KIF13A: variants seen among roughly 807,000 people sequenced by gnomAD.
KIF13A encodes kinesin-like protein KIF13A.
KIF13A carries 79 observed loss-of-function variants against 212.2 expected under a neutral mutation model. The ratio of observed to expected loss-of-function variants is 0.37; its 90% confidence interval spans 0.31 to 0.45. The LOEUF (loss-of-function observed/expected upper bound fraction) is 0.45. Ranked by LOEUF, KIF13A falls within the 20% of genes least tolerant of loss-of-function variation. The pLI is 1.00. For synonymous variants in KIF13A, 789 were observed against 808.6 expected, an observed-to-expected ratio of 0.98 and a Z score of 0.41; for missense variants, 1,901 against 2,209.0, an observed-to-expected ratio of 0.86 and a Z score of 2.79.
At chr6:17,840,666 G>A (rs531285893) in intron 9 of KIF13A, among the ~76,000 whole-genome samples, 1 of 151,864 alleles carries the variant, frequency 6.6e-6, no homozygotes, top group South Asian at 2.1e-4. Context: ...ACAGTGTAAG[G>A]GGGAAACACA....
intron 2 of KIF13A, chr6:17,936,377 CT>C: frequency 1.0e-5 from 2 of 193,532 alleles, no homozygotes; most frequent in Middle Eastern, 4.7e-4. Context: ...ATCTGCCCAC[CT>C]TGGCCTCCCA....
chr6:17,885,004 A>G (rs1268328286), intron 3 of KIF13A, among the ~76,000 whole-genome samples: 1 of 152,236 alleles, frequency 6.6e-6, no homozygotes, highest in African/African-American at 2.4e-5. Context: ...ACTGAGTCAT[A>G]CCAAGTAAAG....
chr6:17,855,879 T>A lies in KIF13A; in HGVS notation c.313+151A>T, dbSNP rs1036386924. 1.5e-6 allele frequency: 1 copy of A among 648,234 alleles called. No individual in the cohort carries two copies. The highest frequency in any genetic ancestry group is 1.8e-5 in the African/African-American group (1 of 54,316). 40.2% of individuals were successfully genotyped at this position (648,234 alleles called of 1,614,324 possible). The stretch of plus-strand genomic sequence containing the variant: ...CAGGTGTGCCACCACGCTGGGCTAA[T>A]GTTTTTAGTTTTTATAAAGACGGGT... On this transcript the variant is annotated intron_variant, in intron 5 of 38. Coordinates refer to ENST00000259711, the MANE Select transcript of KIF13A (RefSeq NM_022113.6). The surrounding 1 kb of genome is among the most constrained non-coding windows in gnomAD (Gnocchi z 4.1).
intron 16 of KIF13A, among the ~76,000 whole-genome samples, chr6:17,822,080 C>G (rs2150360803): frequency 6.9e-6 from 1 of 145,676 alleles, no homozygotes. Context: ...TGCTCTGTCA[C>G]CCAGGTTGAA....
intron 2 of KIF13A, among the ~76,000 whole-genome samples, chr6:17,929,297 T>C (rs893726768): frequency 2.0e-5 from 3 of 152,032 alleles, no homozygotes; most frequent in South Asian, 4.1e-4. Flanking sequence ...TAGAATGCAG[T>C]GGCGCCATCA....
chr6:17,915,164 G>A lies in KIF13A; in HGVS notation c.147-16984C>T, dbSNP rs551202290. Among the ~76,000 whole-genome samples the A allele has an allele frequency of 6.6e-6, 1 of 152,286 alleles. No homozygotes were observed. The highest frequency in any genetic ancestry group is 2.1e-4 in the South Asian group (1 of 4,826). On this transcript the variant is annotated intron_variant, in intron 2 of 38. Coordinates refer to ENST00000259711, the MANE Select transcript of KIF13A (RefSeq NM_022113.6). This position sits in a 1 kb window ranked among gnomAD's most constrained non-coding sequence, Gnocchi z 4.4. ...ACCAAACTTCATGCTCCATGTAATA[G>A]CTTCAGGGTTATTAGCTGAATAATC... is the stretch of plus-strand genomic sequence containing the variant.
intron 6 of KIF13A, among the ~76,000 whole-genome samples, chr6:17,852,541 C>G (rs1397327522): frequency 6.6e-6 from 1 of 152,126 alleles, no homozygotes; most frequent in Non-Finnish European, 1.5e-5. Flanking sequence ...CCTCAGTCAC[C>G]CACGCAGCTG....
chr6:17,963,229 C>A lies in KIF13A; in HGVS notation c.146+23825G>T, dbSNP rs1778997807. Among the ~76,000 whole-genome samples, 2 of 152,074 alleles carry A rather than the reference C, an allele frequency of 1.3e-5. No individual in the cohort carries two copies. The highest frequency in any genetic ancestry group is 6.6e-5 in the Admixed American group (1 of 15,252). ...GGTGGGGAGTTCAAGACCAGCCTGG[C>A]CAACATGGCGAAGCTCCGTCTCTAC... is the stretch of plus-strand genomic sequence containing the variant. On this transcript the variant is annotated intron_variant, in intron 2 of 38. Transcript: ENST00000259711. The surrounding 1 kb of genome is among the most constrained non-coding windows in gnomAD (Gnocchi z 4.1).
Position 17,987,464 on chromosome 6 carries a change from G to GTT in KIF13A, c.-3_-2dup, listed in dbSNP as rs1221900249. 2 of 1,310,100 alleles carry GTT rather than the reference G, an allele frequency of 1.5e-6. No individual in the cohort carries two copies. Among genetic ancestry groups the GTT allele is most frequent in the Non-Finnish European group, 2.0e-6 (2 of 997,624 alleles). The allele number at this position is 1,310,100 out of a possible 1,614,324, so 81.2% of individuals were successfully genotyped here. On this transcript the variant is annotated 5_prime_UTR_variant, in exon 1 of 39. Coordinates refer to ENST00000259711, the MANE Select transcript of KIF13A (RefSeq NM_022113.6). This position sits in a 1 kb window ranked among gnomAD's most constrained non-coding sequence, Gnocchi z 7.7. ...CAACTTTTACCTTGGTATCCGACAT[G>GTT]TTGGCTGCGCTCGCCCGGCCGCTCG...
At chr6:17,931,910 T>C (rs534237404) in intron 2 of KIF13A, among the ~76,000 whole-genome samples, 4 of 152,288 alleles carry the variant, frequency 2.6e-5, no homozygotes, top group African/African-American at 9.6e-5. Context: ...TAAACAATAA[T>C]GGTAAATTTT....
intron 2 of KIF13A, among the ~76,000 whole-genome samples, chr6:17,929,753 A>C (rs1775833961): frequency 6.6e-6 from 1 of 151,910 alleles, no homozygotes. Context: ...TATGTTGCCC[A>C]GGCTGATCTC....
intron 3 of KIF13A, among the ~76,000 whole-genome samples, chr6:17,891,549 G>C (rs1772058758): frequency 6.6e-6 from 1 of 152,150 alleles, no homozygotes; most frequent in South Asian, 2.1e-4. Flanking sequence ...CTTGAAGCCA[G>C]GAGTTTGAGA....
At chr6:17,802,436 C>T (rs1762548815) in intron 20 of KIF13A, among the ~76,000 whole-genome samples, 1 of 151,666 alleles carries the variant, frequency 6.6e-6, no homozygotes, top group African/African-American at 2.4e-5. Flanking sequence ...GGATTACAGG[C>T]ATGCGCCACC....
At chr6:17,980,780 G>A (rs1309987434) in intron 2 of KIF13A, among the ~76,000 whole-genome samples, 1 of 152,168 alleles carries the variant, frequency 6.6e-6, no homozygotes, top group Non-Finnish European at 1.5e-5. Context: ...ATGTTCGGTA[G>A]AGTCATATAA....
intron 16 of KIF13A, among the ~76,000 whole-genome samples, chr6:17,820,805 G>A (rs1280926801): frequency 1.3e-5 from 2 of 152,062 alleles, no homozygotes; most frequent in East Asian, 1.9e-4. Flanking sequence ...AGCTCAAACC[G>A]ACCCATCATC....
intron 9 of KIF13A, among the ~76,000 whole-genome samples, chr6:17,840,060 T>C (rs778247045): frequency 1.3e-5 from 2 of 152,116 alleles, no homozygotes; most frequent in Non-Finnish European, 1.5e-5. Flanking sequence ...ATGGAGGCAG[T>C]GGTTGACTAG....
chr6:17,985,632 C>CCGGGG lies in KIF13A; in HGVS notation c.146+1421_146+1422insCCCCG, dbSNP rs112580662. Among the ~76,000 whole-genome samples the CCGGGG allele has an allele frequency of 9.4e-4, 36 of 38,184 alleles. 1 individual carries two copies. Among genetic ancestry groups the CCGGGG allele is most frequent in the African/African-American group, 3.4e-3 (27 of 8,050 alleles). 25.1% of individuals were successfully genotyped at this position (38,184 alleles called of 152,430 possible). A position where few individuals can be genotyped will look rare whatever the true frequency, so the allele number is the denominator to read the frequency against. Reference sequence around the variant, plus strand: ...TTTTCCCGAAACAATATGCAGTTTGCGGGGGGGTGGGGGGAGGGGACATTC... The same window carrying CCGGGG: ...TTTTCCCGAAACAATATGCAGTTTGCCGGGGGGGGGGGTGGGGGGAGGGGACATTC... On this transcript the variant is annotated intron_variant, in intron 2 of 38. Coordinates refer to ENST00000259711, the MANE Select transcript of KIF13A (RefSeq NM_022113.6).
chr6:17,915,062 AG>A lies in KIF13A; in HGVS notation c.147-16883del, dbSNP rs1774376857. ...AAGATTGGTTTTCCATTTATGTGAG[AG>A]CTTGTACCTTGAGAGCATTTATCTA... On this transcript the variant is annotated intron_variant, in intron 2 of 38. Coordinates refer to ENST00000259711, the MANE Select transcript of KIF13A (RefSeq NM_022113.6). This position sits in a 1 kb window ranked among gnomAD's most constrained non-coding sequence, Gnocchi z 4.4. 6.6e-6 allele frequency among the ~76,000 whole-genome samples: 1 copy of A among 152,166 alleles called. No homozygotes were observed. Among genetic ancestry groups the A allele is most frequent in the African/African-American group, 2.4e-5 (1 of 41,428 alleles).
intron 2 of KIF13A, among the ~76,000 whole-genome samples, chr6:17,948,596 T>G (rs1035626075): frequency 1.9e-4 from 22 of 118,652 alleles, no homozygotes; most frequent in South Asian, 1.8e-3. Flanking sequence ...CAAGTCTCAC[T>G]CTGTCGTCCA....
Sources: allele counts gnomAD v4.1 joint callset (sites outside exome capture counted in the v4.1 genomes callset), GRCh38; gene constraint gnomAD v4.1.1; non-coding constraint Gnocchi (gnomAD v3.1); transcripts MANE v1.5; gene names NCBI Gene and HGNC (gene_info 2026-07-23, HGNC 2026-07-21).